SYNE3: variants seen among roughly 807,000 people sequenced by gnomAD.
The protein encoded by SYNE3 is spectrin repeat containing nuclear envelope family member 3.
In SYNE3, 100 loss-of-function variants were observed where a neutral mutation model predicts 111.2. That is an observed-to-expected ratio of 0.90 (90% CI 0.77 to 1.06). The LOEUF is 1.06. Among genes scored for constraint, SYNE3 ranks in the 50% least tolerant of loss-of-function variants. The pLI is 0.00. For synonymous variants in SYNE3, 547 were observed against 533.9 expected (o/e 1.02, Z -0.34); for missense variants, 1,160 against 1,240.3 (o/e 0.94, Z 0.97).
At chr14:95,513,769 A>ATATATATATATC (rs1193746486) in intron 1 of SYNE3, among the ~76,000 whole-genome samples, 1 of 133,438 alleles carries the variant, frequency 7.5e-6, no homozygotes, top group African/African-American at 2.8e-5. Context: ...ATATATATAT[A>ATATATATATATC]TATTCAGAAT....
At chr14:95,431,437 A>G (rs1174061881) in intron 17 of SYNE3, among the ~76,000 whole-genome samples, 2 of 152,232 alleles carry the variant, frequency 1.3e-5, no homozygotes, top group Non-Finnish European at 2.9e-5. Flanking sequence ...ACCACAACTT[A>G]GCACAGTTCC....
Position 95,457,252 on chromosome 14 carries a change from C to T in SYNE3, c.714G>A (p.Ala238=), listed in dbSNP as rs757986933. ...GGCAGCCATTCACCTTCTCCACCAC[C>T]GCCTTCAGCCACAGTTGGAACTCGT... ...GVDEFQLWLK[A]VVEKVNGCLG... Residue 238 remains alanine, a synonymous_variant, in exon 5 of 18, where the codon GCG becomes GCA. Coordinates refer to ENST00000682763, the MANE Select transcript of SYNE3 (RefSeq NM_152592.6). 18 of 1,614,046 alleles carry T rather than the reference C, an allele frequency of 1.1e-5. No individual in the cohort carries two copies. The highest frequency in any genetic ancestry group is 2.2e-5 in the East Asian group (1 of 44,888).
intron 17 of SYNE3, among the ~76,000 whole-genome samples, chr14:95,422,504 AG>A (rs1885181925): frequency 6.6e-6 from 1 of 152,182 alleles, no homozygotes; most frequent in Admixed American, 6.5e-5. Context: ...AACAGCAATT[AG>A]AACGACAACA....
At position 95,467,987 on chromosome 14, in the gene SYNE3, C is replaced by T. The variant is rs1403882993; in HGVS notation, c.145-20G>A. On this transcript the variant is annotated intron_variant, in intron 2 of 17. Transcript: ENST00000682763. ...TATTTTCTGTTGTGGACACACAAGC[C>T]AGTTTCCAGGGTTGGCAAAAGGCAG... The T allele has an allele frequency of 3.8e-6, 6 of 1,596,688 alleles. No individual in the cohort carries two copies. The African/African-American group carries it at 6.7e-5, about 18-fold the overall frequency.
intron 15 of SYNE3, among the ~76,000 whole-genome samples, chr14:95,435,758 G>A (rs1886050277): frequency 6.6e-6 from 1 of 152,216 alleles, no homozygotes; most frequent in African/African-American, 2.4e-5. Context: ...GGAAACAGAA[G>A]TGAGCTAGGG....
Position 95,412,447 on chromosome 14 carries a change from C to G in SYNE3, c.*5379G>C, listed in dbSNP as rs1376549213. On this transcript the variant is annotated 3_prime_UTR_variant, in exon 18 of 18. Transcript: ENST00000682763. ...TTTGTTCACCCCGAATCTCCCAGCA[C>G]AAAGCCTGGCACAGGCTGGAGAATG... 1 of 152,294 alleles carries G rather than the reference C, an allele frequency of 6.6e-6. No homozygotes were observed. Among genetic ancestry groups the G allele is most frequent in the Non-Finnish European group, 1.5e-5 (1 of 68,076 alleles). 9.4% of individuals were successfully genotyped at this position (152,294 alleles called of 1,614,324 possible). A position where few individuals can be genotyped will look rare whatever the true frequency, so the allele number is the denominator to read the frequency against.
At chr14:95,502,484 G>A (rs1216499647) in intron 1 of SYNE3, among the ~76,000 whole-genome samples, 1 of 152,132 alleles carries the variant, frequency 6.6e-6, no homozygotes, top group Non-Finnish European at 1.5e-5. Flanking sequence ...CAGGCTCTCA[G>A]ATCCAGTCAC....
At position 95,433,294 on chromosome 14, in the gene SYNE3, T is replaced by C; in HGVS notation, c.2654A>G (p.Tyr885Cys). ...GCCAGAGTCCTTCAGCTTGGACTTG[T>C]ACAGCATCCACTGGTAGCGCAGATC... ...LEDLRYQWML[Y>C]KSKLKDSGHL... Residue 885 changes from tyrosine to cysteine, a missense_variant, in exon 16 of 18, where the codon TAC becomes TGC. Tyr to Cys is a radical substitution (Grantham distance 194). Coordinates refer to ENST00000682763, the MANE Select transcript of SYNE3 (RefSeq NM_152592.6). 1 of 1,614,176 alleles carries C rather than the reference T, an allele frequency of 6.2e-7. No individual in the cohort carries two copies. Among genetic ancestry groups the C allele is most frequent in the East Asian group, 2.2e-5 (1 of 44,872 alleles).
chr14:95,421,489 G>T (rs1009048418), intron 17 of SYNE3, among the ~76,000 whole-genome samples: 1 of 152,192 alleles, frequency 6.6e-6, no homozygotes, highest in African/African-American at 2.4e-5. Flanking sequence ...CGTCCTAGAT[G>T]TGTGATCTAG....
At chr14:95,471,617 G>C (rs1275744462) in intron 2 of SYNE3, among the ~76,000 whole-genome samples, 1 of 152,216 alleles carries the variant, frequency 6.6e-6, no homozygotes, top group Non-Finnish European at 1.5e-5. Context: ...GGCTAGGCTG[G>C]AAAAGCCGAA....
intron 4 of SYNE3, among the ~76,000 whole-genome samples, chr14:95,458,518 A>C (rs1887599832): frequency 1.3e-5 from 2 of 152,096 alleles, no homozygotes; most frequent in South Asian, 2.1e-4. Context: ...TGCCTTCTCC[A>C]AGCTCTTCTC....
At position 95,439,758 on chromosome 14, in the gene SYNE3, C is replaced by T. The variant is rs61754461; in HGVS notation, c.2100G>A (p.Lys700=). The T allele has an allele frequency of 3.7e-6, 6 of 1,613,376 alleles. No individual in the cohort carries two copies. Among genetic ancestry groups the T allele is most frequent in the Non-Finnish European group, 5.1e-6 (6 of 1,179,540 alleles). ...FERLVAEFPE[K]EAQLSLVEAQ... ...CTTCCACCAGGGACAGCTGGGCCTC[C>T]TTCTCCGGGAATTCTGCCACCAGCC... The change falls in exon 13 of 18, where the codon AAG becomes AAA. Residue 700 remains lysine, a synonymous_variant. Transcript: ENST00000682763.
chr14:95,431,582 C>T (rs950698875), intron 17 of SYNE3, among the ~76,000 whole-genome samples: 2 of 152,206 alleles, frequency 1.3e-5, no homozygotes, highest in East Asian at 1.9e-4. Context: ...CTGAGCACGG[C>T]TCAGTAGGGT....
Position 95,436,379 on chromosome 14 carries a change from T to A in SYNE3, c.2538+441A>T, listed in dbSNP as rs149536901. 1.9e-3 allele frequency among the ~76,000 whole-genome samples: 289 copies of A among 152,244 alleles called. 1 individual carries two copies. The highest frequency in any genetic ancestry group is 6.5e-3 in the African/African-American group (268 of 41,538). ...AGATGTGTAGTCCATGTCATTCTCATCTCTAATAGCCCACCAGCCCCTAGA... is the reference window on the plus strand; with the variant it reads ...AGATGTGTAGTCCATGTCATTCTCAACTCTAATAGCCCACCAGCCCCTAGA... On this transcript the variant is annotated intron_variant, in intron 15 of 17. Transcript: ENST00000682763.
chr14:95,472,853 C>T (rs1407699790), intron 2 of SYNE3, among the ~76,000 whole-genome samples: 4 of 152,170 alleles, frequency 2.6e-5, no homozygotes, highest in African/African-American at 7.2e-5. Context: ...TCCTGCTCTA[C>T]AGATGGGAAC....
chr14:95,423,569 GATGAGGATTTGGTAGGC>G (rs764618100), intron 17 of SYNE3, among the ~76,000 whole-genome samples: 5,311 of 20,740 alleles, frequency 0.26, 2,306 homozygotes, highest in Non-Finnish European at 0.29. Context: ...ATTTGATGGG[GATGAGGATTTGGTAGGC>G]ATGGGGATTT....
intron 7 of SYNE3, 111 bp downstream of exon 7, chr14:95,452,136 A>G (rs7144641): frequency 0.42 from 540,901 of 1,288,748 alleles, 116,396 homozygotes; most frequent in Admixed American, 0.64. Context: ...GGTACAAAGA[A>G]TGATTTAGAA....
chr14:95,427,935 C>T lies in SYNE3; in HGVS notation c.2727+4144G>A, dbSNP rs141456605. Among the ~76,000 whole-genome samples the T allele has an allele frequency of 2.0e-3, 301 of 152,314 alleles. 1 individual carries two copies. Among genetic ancestry groups the T allele is most frequent in the Non-Finnish European group, 3.6e-3 (243 of 68,044 alleles). ...GAAAGTTATGATCTAACATGGAATA[C>T]TCACTGAGATTTGGTATTACAGTAG... is the stretch of plus-strand genomic sequence containing the variant. On this transcript the variant is annotated intron_variant, in intron 17 of 17. Coordinates refer to ENST00000682763, the MANE Select transcript of SYNE3 (RefSeq NM_152592.6).
chr14:95,433,044 C>T (rs368062243), intron 16 of SYNE3, among the ~76,000 whole-genome samples: 1 of 152,160 alleles, frequency 6.6e-6, no homozygotes, highest in Admixed American at 6.5e-5. Flanking sequence ...CTGACTGGGA[C>T]TTCAGCCTCA....
Sources: gnomAD v4.1 joint callset for allele counts (sites outside exome capture counted in the v4.1 genomes callset) on GRCh38, gnomAD v4.1.1 for gene constraint, MANE v1.5 for transcripts, NCBI Gene and HGNC (gene_info 2026-07-23, HGNC 2026-07-21) for gene names.